Variants in TBC1D31 observed in about 807,000 individuals in gnomAD.
The protein encoded by TBC1D31 is WD repeat domain 67.
TBC1D31 carries 99 observed loss-of-function variants against 132.9 expected under a neutral mutation model. The observed-to-expected ratio is 0.74, with a 90% CI of 0.63 to 0.88. The LOEUF (loss-of-function observed/expected upper bound fraction) is 0.88, where lower values mean the gene tolerates loss of function less well. Among genes scored for constraint, TBC1D31 ranks in the 40% least tolerant of loss-of-function variants. The pLI, the probability that TBC1D31 is intolerant of heterozygous loss-of-function variation, is 0.00. For missense variants in TBC1D31, 1,134 were observed against 1,256.6 expected, an observed-to-expected ratio of 0.90 and a Z score of 1.48; for synonymous variants, 385 against 419.4, an observed-to-expected ratio of 0.92 and a Z score of 1.00.
At chr8:123,159,268 G>GA in the TBC1D31 span, among the ~76,000 whole-genome samples, 6,693 of 93,542 alleles carry the variant, frequency 0.072, 421 homozygotes, top group African/African-American at 0.2. Flanking sequence ...ATTTGAACAG[G>GA]AAAAAAAAAA....
intron 6 of TBC1D31, among the ~76,000 whole-genome samples, chr8:123,100,599 TAATAA>T (rs1165580635): frequency 6.6e-6 from 1 of 151,036 alleles, no homozygotes; most frequent in Admixed American, 6.6e-5. Context: ...ATAATAATAA[TAATAA>T]AATAAAATAT....
chr8:123,130,287 A>T lies in TBC1D31; in HGVS notation c.2360A>T (p.Gln787Leu), dbSNP rs145219867. The change falls in exon 16 of 22, where the codon CAA (glutamine) becomes CTA (leucine). Residue 787 changes from glutamine to leucine, a missense_variant. By Grantham distance (113) the Gln-to-Leu change is moderately radical (BLOSUM62 -2). Coordinates refer to ENST00000287380, the MANE Select transcript of TBC1D31 (RefSeq NM_145647.4). ...CGTTTTCTGAAGCTTCAGCAAGATC[A>T]ACAGGAAATGGAACTAAGAAGACTG... ...RRRFLKLQQD[Q>L]QEMELRRLDD... is the part of the protein sequence containing the mutation. 3.1e-6 allele frequency: 5 copies of T among 1,613,274 alleles called. No homozygotes were observed. Among genetic ancestry groups the T allele is most frequent in the South Asian group, 1.1e-5 (1 of 90,822 alleles).
chr8:123,161,957 G>A, the TBC1D31 span, among the ~76,000 whole-genome samples: 2 of 143,814 alleles, frequency 1.4e-5, no homozygotes, highest in Non-Finnish European at 3.0e-5. Flanking sequence ...GGCGGAGGTT[G>A]CAGTGAGCCG....
intron 11 of TBC1D31, chr8:123,122,983 T>C (rs2130734971): frequency 6.6e-6 from 1 of 152,308 alleles, no homozygotes. Flanking sequence ...GGGGAGCAAG[T>C]GAGGAGGCTG....
chr8:123,091,090 C>A (rs1397084388), intron 4 of TBC1D31, among the ~76,000 whole-genome samples: 1 of 152,068 alleles, frequency 6.6e-6, no homozygotes, highest in Admixed American at 6.6e-5. Context: ...TTGAACCTAA[C>A]CCCCCAAAAA....
chr8:123,104,987 T>C (rs1038165117), intron 7 of TBC1D31, among the ~76,000 whole-genome samples: 10 of 152,222 alleles, frequency 6.6e-5, no homozygotes, highest in Admixed American at 6.5e-4. Context: ...AACTTTACCA[T>C]GTATGTGTAA....
intron 6 of TBC1D31, 64 bp downstream of exon 6, chr8:123,097,505 A>G (rs184632426): frequency 5.4e-6 from 8 of 1,478,878 alleles, no homozygotes; most frequent in East Asian, 2.3e-5. Context: ...TCTGAACTAT[A>G]TTAGCTCTTA....
At position 123,084,320 on chromosome 8, in the gene TBC1D31, C is replaced by T; in HGVS notation, c.499C>T (p.Gln167Ter). Residue 167 changes from glutamine (Q) to a stop codon, truncating the protein, a stop_gained, in exon 4 of 22, where the codon CAG becomes TAG. Coordinates refer to ENST00000287380, the MANE Select transcript of TBC1D31 (RefSeq NM_145647.4). LOFTEE classifies it high-confidence loss of function. ...GAGAAAAAGAAAGCTGAATATTCGC[C>T]AGTCTGTGGGTATACAGAAGGTCAG... is the stretch of plus-strand genomic sequence containing the variant. ...FQRKRKLNIR[Q>*]SVGIQKVFFL... 1 of 1,614,028 alleles carries T rather than the reference C, an allele frequency of 6.2e-7. No homozygotes were observed. The highest frequency in any genetic ancestry group is 8.5e-7 in the Non-Finnish European group (1 of 1,179,976).
At chr8:123,105,082 T>C (rs1290335151) in intron 7 of TBC1D31, among the ~76,000 whole-genome samples, 2 of 152,222 alleles carry the variant, frequency 1.3e-5, no homozygotes, top group East Asian at 3.8e-4. Context: ...ATCTTTATTA[T>C]GTTCTTCAAA....
chr8:123,126,834 C>T lies in TBC1D31; in HGVS notation c.1884+147C>T. ...TCAGCTCACTGCAACCTCCGCCTCC[C>T]AAGTTCAAGCGATTCTCCTGCCTCA... is the stretch of plus-strand genomic sequence containing the variant. On this transcript the variant is annotated intron_variant, in intron 13 of 21. Coordinates refer to ENST00000287380, the MANE Select transcript of TBC1D31 (RefSeq NM_145647.4). 3 of 613,308 alleles carry T rather than the reference C, an allele frequency of 4.9e-6. No individual in the cohort carries two copies. The South Asian group carries it at 7.4e-5, about 15-fold the overall frequency. The allele number at this position is 613,308 out of a possible 1,614,324, so 38.0% of individuals were successfully genotyped here.
chr8:123,073,706 G>T (rs1301420306), intron 1 of TBC1D31, among the ~76,000 whole-genome samples: 1 of 152,196 alleles, frequency 6.6e-6, no homozygotes, highest in Non-Finnish European at 1.5e-5. Flanking sequence ...TTTTCTTTGA[G>T]ACGGAGTCTT....
chr8:123,134,146 A>G lies in TBC1D31; in HGVS notation c.2439A>G (p.Thr813=). Residue 813 remains threonine (T), a synonymous_variant, in exon 17 of 22, where the codon ACA becomes ACG. Coordinates refer to ENST00000287380, the MANE Select transcript of TBC1D31 (RefSeq NM_145647.4). The part of the protein sequence containing the change: ...VYMRDREIAA[T]ARDLEMRQLE... The stretch of plus-strand genomic sequence containing the variant: ...TGAGAGATCGAGAAATTGCTGCCAC[A>G]GCCAGAGACCTAGAAATGAGACAGC... 6.2e-7 allele frequency: 1 copy of G among 1,614,078 alleles called. No individual in the cohort carries two copies. Among genetic ancestry groups the G allele is most frequent in the Non-Finnish European group, 8.5e-7 (1 of 1,179,950 alleles).
intron 7 of TBC1D31, chr8:123,102,349 G>GCCGTGCCA: frequency 1.2e-5 from 5 of 417,806 alleles, no homozygotes; most frequent in South Asian, 5.2e-5. Flanking sequence ...TTGGAGTGGC[G>GCCGTGCCA]TTTGCCACCT....
intron 2 of TBC1D31, among the ~76,000 whole-genome samples, chr8:123,081,338 A>T (rs1289545920): frequency 6.6e-6 from 1 of 152,146 alleles, no homozygotes; most frequent in Non-Finnish European, 1.5e-5. Flanking sequence ...AACACTGTTG[A>T]CTTAGACCTA....
intron 17 of TBC1D31, 30 bp from the exon 18 acceptor site, chr8:123,140,731 G>C: frequency 6.4e-7 from 1 of 1,562,730 alleles, no homozygotes; most frequent in Non-Finnish European, 8.7e-7. Flanking sequence ...ATATAAATTA[G>C]TGATTTTTTT....
chr8:123,082,947 A>T, intron 3 of TBC1D31, 130 bp downstream of exon 3: 1 of 621,898 alleles, frequency 1.6e-6, no homozygotes, highest in Non-Finnish European at 2.8e-6. Flanking sequence ...CACTAGGTGC[A>T]AGCTGAGGGT....
the TBC1D31 span, among the ~76,000 whole-genome samples, chr8:123,163,172 G>A: frequency 1.3e-5 from 2 of 151,336 alleles, no homozygotes; most frequent in Non-Finnish European, 2.9e-5. Context: ...ATATATACTC[G>A]GCCTCCCAGA....
chr8:123,145,113 T>C (rs1822065508), intron 20 of TBC1D31, among the ~76,000 whole-genome samples: 1 of 152,086 alleles, frequency 6.6e-6, no homozygotes, highest in Non-Finnish European at 1.5e-5. Flanking sequence ...TTTGTAGAGA[T>C]GAGATCTCAC....
chr8:123,139,898 A>G (rs1821458504), intron 17 of TBC1D31, among the ~76,000 whole-genome samples: 3 of 152,218 alleles, frequency 2.0e-5, no homozygotes, highest in Admixed American at 6.5e-5. Context: ...ATTCTGCACT[A>G]GGTGAGCTCT....
Sources: allele counts gnomAD v4.1 joint callset (sites outside exome capture counted in the v4.1 genomes callset), GRCh38; gene constraint gnomAD v4.1.1; transcripts MANE v1.5; gene names NCBI Gene and HGNC (gene_info 2026-07-23, HGNC 2026-07-21).